The following RAB6A variants were observed in gnomAD, a reference collection of about 807,000 sequenced individuals.
The protein encoded by RAB6A is ras-related protein Rab-6A.
In RAB6A, 8 loss-of-function variants were observed where a neutral mutation model predicts 32.3. The ratio of observed to expected loss-of-function variants is 0.25; its 90% CI spans 0.15 to 0.45. The LOEUF (loss-of-function observed/expected upper bound fraction) is 0.45, where lower values mean the gene tolerates loss of function less well. Among genes scored for constraint, RAB6A ranks in the 20% least tolerant of loss-of-function variants. The pLI, the probability that RAB6A is intolerant of heterozygous loss-of-function variation, is 1.00. For missense variants in RAB6A, 104 were observed against 249.4 expected, an observed-to-expected ratio of 0.42 and a Z score of 3.93; for synonymous variants, 73 against 82.1, an observed-to-expected ratio of 0.89 and a Z score of 0.60.
At chr11:73,706,843 G>A (rs1388737618) in intron 6 of RAB6A, among the ~76,000 whole-genome samples, 4 of 152,048 alleles carry the variant, frequency 2.6e-5, no homozygotes, top group Non-Finnish European at 4.4e-5. Context: ...TTTACCGGCC[G>A]GGCATGGTGG....
intron 1 of RAB6A, among the ~76,000 whole-genome samples, chr11:73,734,790 G>T (rs1313450388): frequency 6.6e-6 from 1 of 151,950 alleles, no homozygotes; most frequent in Admixed American, 6.6e-5. Context: ...CTAAAATCTA[G>T]GAGAAAAAAA....
In RAB6A at chr11:73,722,590, C is replaced by A. The variant is rs1355486441; in HGVS notation, c.130-1691G>T. ...GTTCAAGAGATCTTCCCCACTTGGCCTTCCAACACGCTGGGACTATAGGCA... is the reference window on the plus strand; with the variant it reads ...GTTCAAGAGATCTTCCCCACTTGGCATTCCAACACGCTGGGACTATAGGCA... On this transcript the variant is annotated intron_variant, in intron 2 of 7. Coordinates refer to ENST00000336083, the MANE Select transcript of RAB6A (RefSeq NM_198896.2). 2.1e-5 allele frequency: 3 copies of A among 141,850 alleles called. No individual in the cohort carries two copies. The Admixed American group carries it at 2.3e-4, about 11-fold the overall frequency. 8.8% of individuals were successfully genotyped at this position (141,850 alleles called of 1,614,324 possible). A position where few individuals can be genotyped will look rare whatever the true frequency, so the allele number is the denominator to read the frequency against.
At chr11:73,714,675 TAAATA>T (rs1053965515) in intron 5 of RAB6A, among the ~76,000 whole-genome samples, 7 of 150,346 alleles carry the variant, frequency 4.7e-5, no homozygotes, top group African/African-American at 1.7e-4. Context: ...AATAAATAAA[TAAATA>T]AAATAAAGGT....
In RAB6A at chr11:73,676,737, C is replaced by T. The variant is rs868416949; in HGVS notation, c.*1161G>A. ...CTGCCTCTAGGGGCTTACAAGAAAA[C>T]GGTTTCCGGTTTCCGTCTTCAATTT... is the stretch of plus-strand genomic sequence containing the variant. On this transcript the variant is annotated 3_prime_UTR_variant, in exon 8 of 8. Coordinates refer to ENST00000336083, the MANE Select transcript of RAB6A (RefSeq NM_198896.2). 1.8e-5 allele frequency: 3 copies of T among 167,052 alleles called. No homozygotes were observed. The highest frequency in any genetic ancestry group is 4.4e-5 in the Non-Finnish European group (3 of 68,108). 10.3% of individuals were successfully genotyped at this position (167,052 alleles called of 1,614,324 possible).
At chr11:73,743,854 C>T (rs1946538519) in intron 1 of RAB6A, among the ~76,000 whole-genome samples, 1 of 151,990 alleles carries the variant, frequency 6.6e-6, no homozygotes, top group Non-Finnish European at 1.5e-5. Flanking sequence ...TATGGTTCTG[C>T]CTGAAGGAAA....
At chr11:73,733,264 T>A (rs75929802) in intron 1 of RAB6A, among the ~76,000 whole-genome samples, 3,196 of 152,074 alleles carry the variant, frequency 0.021, 114 homozygotes, top group African/African-American at 0.072. Context: ...CAGCTGTATT[T>A]TAGGCCAGGC....
chr11:73,682,315 TA>T (rs1945372216), intron 6 of RAB6A, among the ~76,000 whole-genome samples: 1 of 152,092 alleles, frequency 6.6e-6, no homozygotes, highest in Non-Finnish European at 1.5e-5. Flanking sequence ...AAAAACATTC[TA>T]AGAGTGAATG....
intron 1 of RAB6A, among the ~76,000 whole-genome samples, chr11:73,735,173 T>C (rs1213094176): frequency 6.6e-6 from 1 of 152,194 alleles, no homozygotes; most frequent in Non-Finnish European, 1.5e-5. Flanking sequence ...ACTCTTGCAA[T>C]TCTGTGAAGG....
chr11:73,757,129 A>ATGTATATTTTTT (rs1555070136), intron 1 of RAB6A, among the ~76,000 whole-genome samples: 1 of 30,356 alleles, frequency 3.3e-5, no homozygotes. Flanking sequence ...ATATATATAT[A>ATGTATATTTTTT]TTTTTTTTTT....
At chr11:73,748,030 T>A (rs1179681910) in intron 1 of RAB6A, among the ~76,000 whole-genome samples, 1 of 152,232 alleles carries the variant, frequency 6.6e-6, no homozygotes, top group African/African-American at 2.4e-5. Flanking sequence ...GAAGATACTT[T>A]GAGATGATGC....
chr11:73,699,902 T>C (rs1361334976), intron 6 of RAB6A, among the ~76,000 whole-genome samples: 3 of 152,284 alleles, frequency 2.0e-5, no homozygotes, highest in East Asian at 3.9e-4. Flanking sequence ...AAGGTACATA[T>C]ACTATTTCAG....
At chr11:73,680,500 A>T (rs1353687122) in intron 6 of RAB6A, among the ~76,000 whole-genome samples, 1 of 152,114 alleles carries the variant, frequency 6.6e-6, no homozygotes, top group Non-Finnish European at 1.5e-5. Context: ...GAAAATACAA[A>T]AATGAGCTGG....
intron 6 of RAB6A, among the ~76,000 whole-genome samples, chr11:73,695,879 C>G (rs1299291005): frequency 1.3e-5 from 2 of 152,098 alleles, no homozygotes; most frequent in Admixed American, 6.6e-5. Flanking sequence ...GAATATGGTT[C>G]TCTGTAGAAA....
chr11:73,731,556 G>A (rs1431847795), intron 1 of RAB6A, among the ~76,000 whole-genome samples: 1 of 148,766 alleles, frequency 6.7e-6, no homozygotes, highest in Non-Finnish European at 1.5e-5. Flanking sequence ...AAAAAAAAGT[G>A]AGAAAAACTG....
intron 1 of RAB6A, among the ~76,000 whole-genome samples, chr11:73,748,014 A>G (rs1416114631): frequency 2.0e-5 from 3 of 152,226 alleles, no homozygotes; most frequent in Admixed American, 2.0e-4. Context: ...AATAATAACT[A>G]TTGGGGAAGA....
chr11:73,699,088 G>A (rs7124775), intron 6 of RAB6A, among the ~76,000 whole-genome samples: 46,016 of 151,666 alleles, frequency 0.3, 7,418 homozygotes, highest in African/African-American at 0.43. Flanking sequence ...CCTGACCTCC[G>A]GTGATTCACC....
At chr11:73,688,504 C>T (rs1234186354) in intron 6 of RAB6A, among the ~76,000 whole-genome samples, 2 of 152,138 alleles carry the variant, frequency 1.3e-5, no homozygotes, top group African/African-American at 4.8e-5. Context: ...CACGTTCTGG[C>T]TCCGGAGAAA....
rs1390155976 is a variant in RAB6A at position 73,761,008 on chromosome 11, G to T, written c.-373C>A. The T allele has an allele frequency of 1.0e-5, 2 of 199,452 alleles. No individual in the cohort carries two copies. Among genetic ancestry groups the T allele is most frequent in the African/African-American group, 2.3e-5 (1 of 42,876 alleles). The allele number at this position is 199,452 out of a possible 1,614,324, so 12.4% of individuals were successfully genotyped here. A position where few individuals can be genotyped will look rare whatever the true frequency, so the allele number is the denominator to read the frequency against. ...GGAGCCGGAACCGCAGACGTATCTG[G>T]GACCTCTCACGCGCAGCGCCTGAGC... On this transcript the variant is annotated 5_prime_UTR_variant, in exon 1 of 8. Coordinates refer to ENST00000336083, the MANE Select transcript of RAB6A (RefSeq NM_198896.2).
chr11:73,700,609 T>TGTTG (rs1182408346), intron 6 of RAB6A, among the ~76,000 whole-genome samples: 1 of 28,618 alleles, frequency 3.5e-5, no homozygotes, highest in African/African-American at 2.0e-4. Flanking sequence ...AGTGTGTGTG[T>TGTTG]GGGGGGGGGG....
Sources: allele counts gnomAD v4.1 joint callset (sites outside exome capture counted in the v4.1 genomes callset), GRCh38; gene constraint gnomAD v4.1.1; transcripts MANE v1.5; gene names NCBI Gene and HGNC (gene_info 2026-07-23, HGNC 2026-07-21).